CTNNA2: variants seen among roughly 807,000 people sequenced by gnomAD.
CTNNA2 encodes the protein catenin alpha-2.
A neutral mutation model predicts 101.0 loss-of-function variants in CTNNA2; 42 were observed. The ratio of observed to expected loss-of-function variants is 0.42; its 90% CI spans 0.32 to 0.54. The LOEUF is 0.54. Ranked by LOEUF, CTNNA2 falls within the 20% of genes least tolerant of loss-of-function variation. The pLI is 0.14. For missense variants in CTNNA2, 871 were observed against 1,223.1 expected (o/e 0.71, Z 4.29); for synonymous variants, 450 against 456.4 (o/e 0.99, Z 0.18).
At chr2:79,301,821 G>A (rs1676116139) in intron 2 of CTNNA2, among the ~76,000 whole-genome samples, 1 of 152,060 alleles carries the variant, frequency 6.6e-6, no homozygotes, top group Non-Finnish European at 1.5e-5. Context: ...GGGCACAGTG[G>A]CTCACATCTG....
intron 7 of CTNNA2, among the ~76,000 whole-genome samples, chr2:80,149,990 C>T (rs1703591701): frequency 6.6e-6 from 1 of 152,172 alleles, no homozygotes; most frequent in South Asian, 2.1e-4. Flanking sequence ...TGCACCTCCA[C>T]CTGCATCTGT....
chr2:79,411,251 G>C (rs547762530), intron 4 of CTNNA2, among the ~76,000 whole-genome samples: 3 of 151,910 alleles, frequency 2.0e-5, no homozygotes, highest in African/African-American at 7.2e-5. Context: ...CAAAAAACCA[G>C]CTCCTGGATT....
chr2:79,866,613 C>T (rs1682120372), intron 4 of CTNNA2: 1 of 152,256 alleles, frequency 6.6e-6, no homozygotes, highest in Non-Finnish European at 1.5e-5. Context: ...TGTATTCTCT[C>T]TGCAGCTTTC....
intron 1 of CTNNA2, among the ~76,000 whole-genome samples, chr2:79,186,737 T>C (rs747663390): frequency 5.3e-5 from 8 of 152,198 alleles, no homozygotes; most frequent in Non-Finnish European, 8.8e-5. Context: ...CTTCTCCCGT[T>C]GTCATAGCCT....
chr2:80,351,935 G>C (rs1673339700), intron 7 of CTNNA2, among the ~76,000 whole-genome samples: 1 of 151,938 alleles, frequency 6.6e-6, no homozygotes, highest in African/African-American at 2.4e-5. Context: ...TTTTATAGTT[G>C]GGGAAAGTTG....
intron 7 of CTNNA2, among the ~76,000 whole-genome samples, chr2:80,290,441 C>T (rs925517573): frequency 2.6e-5 from 4 of 152,062 alleles, no homozygotes; most frequent in East Asian, 2.0e-4. Context: ...AAAGTAAAAG[C>T]GTCATGAAAC....
intron 4 of CTNNA2, among the ~76,000 whole-genome samples, chr2:79,400,830 A>C (rs1237165176): frequency 6.6e-6 from 1 of 152,006 alleles, no homozygotes; most frequent in Non-Finnish European, 1.5e-5. Flanking sequence ...TAAACTAAGG[A>C]GATCCACACT....
chr2:79,878,125 G>A (rs544901001), intron 6 of CTNNA2, among the ~76,000 whole-genome samples: 93 of 152,114 alleles, frequency 6.1e-4, no homozygotes, highest in Non-Finnish European at 1.1e-3. Flanking sequence ...CTTCATCCAC[G>A]TCCCTGCAAA....
At chr2:79,576,158 TAAATG>T (rs1553430748) in intron 1 of CTNNA2, among the ~76,000 whole-genome samples, 1 of 152,254 alleles carries the variant, frequency 6.6e-6, no homozygotes, top group Non-Finnish European at 1.5e-5. Flanking sequence ...AAAACATTTC[TAAATG>T]ATATCCAAAA....
At chr2:79,872,540 C>T (rs1391309240) in intron 5 of CTNNA2, among the ~76,000 whole-genome samples, 1 of 152,130 alleles carries the variant, frequency 6.6e-6, no homozygotes, top group Non-Finnish European at 1.5e-5. Context: ...ACCTGTTTAT[C>T]CATTTTCATC....
chr2:79,606,417 GC>G (rs1677895847), intron 1 of CTNNA2, among the ~76,000 whole-genome samples: 1 of 151,960 alleles, frequency 6.6e-6, no homozygotes, highest in South Asian at 2.1e-4. Flanking sequence ...ACAGACACCC[GC>G]CAGCACGCCT....
chr2:79,850,118 A>T (rs1009854009), intron 3 of CTNNA2, among the ~76,000 whole-genome samples: 2 of 150,332 alleles, frequency 1.3e-5, no homozygotes, highest in Admixed American at 1.3e-4. Flanking sequence ...ATAATTGGAG[A>T]AGTGTCTTTG....
At chr2:79,613,859 A>C (rs1037213814) in intron 1 of CTNNA2, among the ~76,000 whole-genome samples, 4 of 152,142 alleles carry the variant, frequency 2.6e-5, no homozygotes, top group African/African-American at 9.7e-5. Context: ...TGGATTATCT[A>C]AATTAGTCTC....
chr2:80,126,046 C>G (rs1380294398), intron 7 of CTNNA2, among the ~76,000 whole-genome samples: 3 of 152,142 alleles, frequency 2.0e-5, no homozygotes, highest in Admixed American at 6.5e-5. Flanking sequence ...CCTCTCTTGC[C>G]TGATATAAAC....
intron 7 of CTNNA2, among the ~76,000 whole-genome samples, chr2:80,081,842 C>T (rs541555175): frequency 6.6e-6 from 1 of 151,958 alleles, no homozygotes; most frequent in South Asian, 2.1e-4. Flanking sequence ...AGCCAAGTAT[C>T]CTGTATAGAA....
intron 9 of CTNNA2, among the ~76,000 whole-genome samples, chr2:80,510,219 C>G (rs1227258917): frequency 6.6e-6 from 1 of 152,086 alleles, no homozygotes; most frequent in Non-Finnish European, 1.5e-5. Flanking sequence ...TTTTTATCAC[C>G]AAACCAACCC....
intron 2 of CTNNA2, among the ~76,000 whole-genome samples, chr2:79,683,114 C>T (rs530575597): frequency 6.6e-6 from 1 of 152,252 alleles, no homozygotes; most frequent in East Asian, 1.9e-4. Flanking sequence ...GTTCCTGAAA[C>T]TAAGAACCCT....
intron 7 of CTNNA2, among the ~76,000 whole-genome samples, chr2:80,088,067 G>A (rs1382652123): frequency 6.6e-6 from 1 of 151,976 alleles, no homozygotes; most frequent in Non-Finnish European, 1.5e-5. Context: ...AGGTGACTGT[G>A]CTATTCCAGC....
chr2:79,999,174 C>A (rs779439087), intron 7 of CTNNA2, among the ~76,000 whole-genome samples: 2 of 152,202 alleles, frequency 1.3e-5, no homozygotes, highest in Non-Finnish European at 2.9e-5. Context: ...TATCCCAGCT[C>A]ACCAGCTCCC....
Sources: allele counts gnomAD v4.1 joint callset (sites outside exome capture counted in the v4.1 genomes callset), GRCh38; gene constraint gnomAD v4.1.1; transcripts MANE v1.5; gene names NCBI Gene and HGNC (gene_info 2026-07-23, HGNC 2026-07-21).